The following ADAMTS5 variants were observed in gnomAD, a reference collection of about 807,000 sequenced individuals.
ADAMTS5 encodes ADAM metallopeptidase with thrombospondin type 1 motif 5, also known as A disintegrin and metalloproteinase with thrombospondin motifs 5.
In ADAMTS5, 54 loss-of-function variants were observed where a neutral mutation model predicts 81.4. The observed-to-expected ratio is 0.66, with a 90% CI of 0.53 to 0.83. ADAMTS5 has a LOEUF of 0.83. ADAMTS5 is among the 40% of genes least tolerant of loss of function. The pLI is 0.00. For synonymous variants in ADAMTS5, 532 were observed against 508.8 expected, an observed-to-expected ratio of 1.05 and a Z score of -0.61; for missense variants, 1,194 against 1,229.9, an observed-to-expected ratio of 0.97 and a Z score of 0.44.
At chr21:26,956,230 T>C (rs1268613430) in intron 1 of ADAMTS5, among the ~76,000 whole-genome samples, 2 of 152,230 alleles carry the variant, frequency 1.3e-5, no homozygotes, top group East Asian at 1.9e-4. Context: ...GTGAAGAGTA[T>C]TTAGAAACTC....
chr21:26,943,720 T>C (rs1197060291), intron 2 of ADAMTS5, among the ~76,000 whole-genome samples, 173 bp from the exon 3 acceptor site: 1 of 152,206 alleles, frequency 6.6e-6, no homozygotes, highest in Non-Finnish European at 1.5e-5. Flanking sequence ...ATGGAGTTAG[T>C]GTAGCAGTTG....
intron 3 of ADAMTS5, among the ~76,000 whole-genome samples, chr21:26,935,958 A>G (rs1221563502): frequency 6.6e-6 from 1 of 152,282 alleles, no homozygotes; most frequent in African/African-American, 2.4e-5. Flanking sequence ...AATCCTCACC[A>G]CAACCCCATC....
At position 26,923,325 on chromosome 21, in the gene ADAMTS5, CA is replaced by C. The variant is rs1986736360; in HGVS notation, c.*727del. Reference sequence around the variant, plus strand: ...TTTGGCTAGCTACCTGAAAAAAATACAGGCAGTCAAAGGTTTAAGTAAATGA... The same window carrying C: ...TTTGGCTAGCTACCTGAAAAAAATACGGCAGTCAAAGGTTTAAGTAAATGA... On this transcript the variant is annotated 3_prime_UTR_variant, in exon 8 of 8. Coordinates refer to ENST00000284987, the MANE Select transcript of ADAMTS5 (RefSeq NM_007038.5). 1 of 144,814 alleles carries C rather than the reference CA, an allele frequency of 6.9e-6. No individual in the cohort carries two copies. Among genetic ancestry groups the C allele is most frequent in the South Asian group, 2.2e-4 (1 of 4,516 alleles). The allele number at this position is 144,814 out of a possible 1,614,324, so 9.0% of individuals were successfully genotyped here.
intron 2 of ADAMTS5, among the ~76,000 whole-genome samples, chr21:26,945,766 C>G (rs1463745646): frequency 6.6e-6 from 1 of 152,158 alleles, no homozygotes; most frequent in Non-Finnish European, 1.5e-5. Context: ...GACTTCTATG[C>G]TCCCCAAATT....
At chr21:26,952,098 T>A (rs1987330441) in intron 2 of ADAMTS5, among the ~76,000 whole-genome samples, 1 of 152,164 alleles carries the variant, frequency 6.6e-6, no homozygotes, top group Admixed American at 6.5e-5. Flanking sequence ...ATAGCTCAGA[T>A]TAGTTCATAT....
At chr21:26,953,127 G>T (rs896563737) in intron 2 of ADAMTS5, among the ~76,000 whole-genome samples, 1 of 152,220 alleles carries the variant, frequency 6.6e-6, no homozygotes, top group Non-Finnish European at 1.5e-5. Flanking sequence ...AGGCTGACCA[G>T]TTCTTCTAGT....
intron 6 of ADAMTS5, among the ~76,000 whole-genome samples, chr21:26,930,795 ACT>A (rs766930816): frequency 1.3e-5 from 2 of 151,512 alleles, no homozygotes; most frequent in Non-Finnish European, 2.9e-5. Context: ...TATATAGAAA[ACT>A]CTTTTTATGC....
intron 2 of ADAMTS5, among the ~76,000 whole-genome samples, chr21:26,947,770 A>T (rs2123191822): frequency 6.6e-6 from 1 of 152,300 alleles, no homozygotes; most frequent in African/African-American, 2.4e-5. Flanking sequence ...AATTAGTAAA[A>T]GCTAAGGTGT....
At chr21:26,962,211 TAA>T (rs34015667) in intron 1 of ADAMTS5, among the ~76,000 whole-genome samples, 1 of 149,330 alleles carries the variant, frequency 6.7e-6, no homozygotes, top group African/African-American at 2.4e-5. Flanking sequence ...GCAAATGGTC[TAA>T]AAAAAAACGA....
rs570665141 is a variant in ADAMTS5, at chr21:26,965,836, A to T, written c.556T>A (p.Ser186Thr). ...GTGTAGACGTGCAGGATCCGTGCGG[A>T]CCCATCCCCGTACACGCGCCCCTTT... The part of the protein sequence containing the change: ...EEKGRVYGDG[S>T]ARILHVYTRE... Residue 186 changes from serine to threonine, a missense_variant, in exon 1 of 8, where the codon TCC becomes ACC. Physicochemically the swap from Ser to Thr is moderately conservative, Grantham distance 58 (BLOSUM62 1). Around this residue, in one of 2 missense-constraint regions of ADAMTS5, gnomAD observed 498 missense variants for 412.3 expected, o/e 1.21. Transcript: ENST00000284987. The T allele has an allele frequency of 6.2e-7, 1 of 1,611,596 alleles. No homozygotes were observed. Among genetic ancestry groups the T allele is most frequent in the African/African-American group, 1.3e-5 (1 of 74,852 alleles).
intron 7 of ADAMTS5, 33 bp downstream of exon 7, chr21:26,929,853 A>G (rs774439665): frequency 6.3e-7 from 1 of 1,598,296 alleles, no homozygotes; most frequent in Admixed American, 1.7e-5. Context: ...GCTTTGTTCA[A>G]TTCACATAAA....
At position 26,965,324 on chromosome 21, in the gene ADAMTS5, C is replaced by A. The variant is rs768117628; in HGVS notation, c.1068G>T (p.Glu356Asp). ...HQHNQLGDDH[E>D]EHYDAAILFT... ...ACAGGATAGCTGCATCGTAGTGCTCCTCATGGTCATCTCCCAGCTGGTTGT... is the reference window on the plus strand; with the variant it reads ...ACAGGATAGCTGCATCGTAGTGCTCATCATGGTCATCTCCCAGCTGGTTGT... Residue 356 changes from glutamate to aspartate, a missense_variant, in exon 1 of 8, where the codon GAG becomes GAT. Around this residue, in one of 2 missense-constraint regions of ADAMTS5, gnomAD observed 696 missense variants for 817.6 expected, o/e 0.85. Coordinates refer to ENST00000284987, the MANE Select transcript of ADAMTS5 (RefSeq NM_007038.5). 3 of 1,614,174 alleles carry A rather than the reference C, an allele frequency of 1.9e-6. No individual in the cohort carries two copies. The South Asian group carries it at 3.3e-5, about 18-fold the overall frequency.
chr21:26,955,133 C>T (rs1023883749), intron 1 of ADAMTS5, among the ~76,000 whole-genome samples: 10 of 152,080 alleles, frequency 6.6e-5, no homozygotes, highest in African/African-American at 1.7e-4. Context: ...CAATAGCACC[C>T]GCAGCTTTAA....
chr21:26,946,629 A>G (rs1026541854), intron 2 of ADAMTS5, among the ~76,000 whole-genome samples: 58 of 152,218 alleles, frequency 3.8e-4, no homozygotes, highest in Admixed American at 3.7e-3. Context: ...CCCCAGGAGC[A>G]TTAGCAGCAG....
At chr21:26,942,317 A>G (rs1987130280) in intron 3 of ADAMTS5, among the ~76,000 whole-genome samples, 1 of 152,144 alleles carries the variant, frequency 6.6e-6, no homozygotes, top group Non-Finnish European at 1.5e-5. Context: ...ACATTGAGTC[A>G]TAAACTTTGT....
At position 26,943,370 on chromosome 21, in the gene ADAMTS5, T is replaced by C; in HGVS notation, c.1405+10A>G. The C allele has an allele frequency of 3.7e-6, 6 of 1,607,286 alleles. No homozygotes were observed. The highest frequency in any genetic ancestry group is 5.1e-6 in the Non-Finnish European group (6 of 1,177,372). ...GTTTCTCAGTCTGTGTTCTCCTAAA[T>C]GATACATACCATGGCCATCATCCAG... is the stretch of plus-strand genomic sequence containing the variant. On this transcript the variant is annotated intron_variant, in intron 3 of 7. Coordinates refer to ENST00000284987, the MANE Select transcript of ADAMTS5 (RefSeq NM_007038.5).
chr21:26,958,767 A>G (rs1347813753), intron 1 of ADAMTS5, among the ~76,000 whole-genome samples: 2 of 152,230 alleles, frequency 1.3e-5, no homozygotes, highest in Non-Finnish European at 2.9e-5. Context: ...AGCAAAACAG[A>G]TATGTCAAGA....
Position 26,957,830 on chromosome 21 carries a change from AG to A in ADAMTS5, c.1105-2960del, listed in dbSNP as rs562352986. On this transcript the variant is annotated intron_variant, in intron 1 of 7. Transcript: ENST00000284987. Reference sequence around the variant, plus strand: ...TCATGGTGGTCTGCACCACCAGCAGAGATTCGATAGGAAGGTCATTGACACT... The same window carrying A: ...TCATGGTGGTCTGCACCACCAGCAGAATTCGATAGGAAGGTCATTGACACT... 1.5e-3 allele frequency among the ~76,000 whole-genome samples: 228 copies of A among 152,288 alleles called. 1 individual carries two copies. Among genetic ancestry groups the A allele is most frequent in the African/African-American group, 5.4e-3 (223 of 41,558 alleles).
Position 26,965,887 on chromosome 21 carries a change from G to A in ADAMTS5, c.505C>T (p.Leu169=), listed in dbSNP as rs764536616. The part of the protein sequence containing the change: ...KHARYTLKPL[L]RGPWAEEEKG... ...TCTTCCTCCGCCCAGGGTCCGCGCAGCAGTGGCTTTAGGGTGTAGCGCGCG... is the reference window on the plus strand; with the variant it reads ...TCTTCCTCCGCCCAGGGTCCGCGCAACAGTGGCTTTAGGGTGTAGCGCGCG... The change falls in exon 1 of 8, where the codon CTG becomes TTG. Residue 169 remains leucine, a synonymous_variant. Coordinates refer to ENST00000284987, the MANE Select transcript of ADAMTS5 (RefSeq NM_007038.5). 6.2e-7 allele frequency: 1 copy of A among 1,613,942 alleles called. No individual in the cohort carries two copies. The highest frequency in any genetic ancestry group is 2.2e-5 in the East Asian group (1 of 44,864).
Sources: allele counts gnomAD v4.1 joint callset (sites outside exome capture counted in the v4.1 genomes callset), GRCh38; gene constraint gnomAD v4.1.1; regional missense constraint gnomAD v4.1.1; transcripts MANE v1.5; gene names NCBI Gene and HGNC (gene_info 2026-07-23, HGNC 2026-07-21).